Variants in SOS1 observed in about 807,000 individuals in gnomAD.
The protein encoded by SOS1 is SOS Ras/Rac guanine nucleotide exchange factor 1.
In SOS1, 25 loss-of-function variants were observed where a neutral mutation model predicts 157.6. The observed-to-expected ratio is 0.16, with a 90% CI of 0.12 to 0.22. SOS1 has a LOEUF of 0.22. Ranked by LOEUF, SOS1 falls within the 10% of genes least tolerant of loss-of-function variation. The probability of loss-of-function intolerance (pLI) is 1.00; values close to 1 mark genes in which losing one functional copy is unlikely to be tolerated. For missense variants in SOS1, 1,237 were observed against 1,599.1 expected (o/e 0.77, Z 3.86); for synonymous variants, 528 against 534.0 (o/e 0.99, Z 0.16).
intron 4 of SOS1, 29 bp downstream of exon 4, chr2:39,056,673 G>A: frequency 6.7e-7 from 1 of 1,484,788 alleles, no homozygotes; most frequent in Non-Finnish European, 9.4e-7. Context: ...AGAAACTTAA[G>A]AAAAAAATAG....
At chr2:39,100,466 T>C (rs973927199) in intron 1 of SOS1, among the ~76,000 whole-genome samples, 2 of 152,222 alleles carry the variant, frequency 1.3e-5, no homozygotes, top group African/African-American at 4.8e-5. Context: ...CACAATGGAA[T>C]ATCATTCAGC....
chr2:39,110,011 G>T (rs989039344), intron 1 of SOS1, among the ~76,000 whole-genome samples: 1 of 148,790 alleles, frequency 6.7e-6, no homozygotes, highest in African/African-American at 2.6e-5. Context: ...TAAACTGACA[G>T]AGATACAGAT....
intron 1 of SOS1, among the ~76,000 whole-genome samples, chr2:39,075,570 G>A (rs985046067): frequency 1.0e-5 from 1 of 98,092 alleles, no homozygotes; most frequent in African/African-American, 3.0e-5. Context: ...TTGGGAGGCT[G>A]AAACAGGAGG....
At chr2:39,081,694 G>T (rs972047646) in intron 1 of SOS1, among the ~76,000 whole-genome samples, 9 of 151,726 alleles carry the variant, frequency 5.9e-5, no homozygotes, top group African/African-American at 2.2e-4. Flanking sequence ...GCTTGGCGGC[G>T]GGCGCCTGTA....
At position 39,006,551 on chromosome 2, in the gene SOS1, G is replaced by C. The variant is rs61601281; in HGVS notation, c.2674-22C>G. The C allele has an allele frequency of 8.2e-3, 9,815 of 1,200,238 alleles. 554 individuals are homozygous for C. The African/African-American group carries it at 0.13, about 15-fold the overall frequency. 74.3% of individuals were successfully genotyped at this position (1,200,238 alleles called of 1,614,324 possible). Reference sequence around the variant, plus strand: ...TTTGCTATAAGGAAAAAAAATAGGCGTAAGTTTACAAAAGGAATCAAAGGT... The same window carrying C: ...TTTGCTATAAGGAAAAAAAATAGGCCTAAGTTTACAAAAGGAATCAAAGGT... On this transcript the variant is annotated intron_variant, in intron 16 of 22. Coordinates refer to ENST00000402219, the MANE Select transcript of SOS1 (RefSeq NM_005633.4).
intron 20 of SOS1, chr2:38,993,056 C>G (rs141545550): frequency 6.7e-6 from 1 of 149,210 alleles, no homozygotes; most frequent in Non-Finnish European, 1.5e-5. Flanking sequence ...GGCAACACAG[C>G]GAGACCCTAT....
At chr2:38,986,950 GT>G (rs373345074) in intron 22 of SOS1, among the ~76,000 whole-genome samples, 1 of 152,216 alleles carries the variant, frequency 6.6e-6, no homozygotes, top group East Asian at 1.9e-4. Flanking sequence ...AATGAATTAA[GT>G]TTAACAGCTG....
At chr2:39,098,888 CA>C (rs200068308) in intron 1 of SOS1, among the ~76,000 whole-genome samples, 5 of 148,636 alleles carry the variant, frequency 3.4e-5, no homozygotes, top group Non-Finnish European at 7.5e-5. Context: ...GACCACACCT[CA>C]AAAAAAAAAT....
rs779896678 is a variant in SOS1 at position 38,997,024 on chromosome 2, G to C, written c.2979C>G (p.Asn993Lys). ...VESDIKRFFE[N>K]LNPMGNSMEK... Reference sequence around the variant, plus strand: ...CCATGCTATTTCCCATCGGATTCAAGTTTTCAAAGAACCTCTAAAATAAAT... The same window carrying C: ...CCATGCTATTTCCCATCGGATTCAACTTTTCAAAGAACCTCTAAAATAAAT... Residue 993 changes from asparagine to lysine, a missense_variant, in exon 19 of 23, where the codon AAC becomes AAG. Around this residue, in one of 15 missense-constraint regions of SOS1, gnomAD observed 34 missense variants for 28.1 expected, o/e 1.21. Transcript: ENST00000402219. The C allele has an allele frequency of 6.4e-7, 1 of 1,567,738 alleles. No individual in the cohort carries two copies.
intron 17 of SOS1, among the ~76,000 whole-genome samples, chr2:38,999,468 A>G (rs1010836814): frequency 1.3e-5 from 2 of 152,212 alleles, no homozygotes; most frequent in African/African-American, 2.4e-5. Context: ...TCTGACATCA[A>G]TGCCTGTTTG....
In SOS1 at chr2:39,120,538, C is replaced by T. The variant is rs540265590; in HGVS notation, c.-116G>A. The T allele has an allele frequency of 6.7e-4, 733 of 1,090,906 alleles. 14 individuals carry two copies. In the East Asian group the frequency reaches 0.036, roughly 54 times the overall value. 67.6% of individuals were successfully genotyped at this position (1,090,906 alleles called of 1,614,324 possible). On this transcript the variant is annotated 5_prime_UTR_variant, in exon 1 of 23. Transcript: ENST00000402219. Reference sequence around the variant, plus strand: ...GCCGCGGCCCCACCGGACGGCCCGGCCCCCTCCGGGCGCCGCGCAGCCGGG... The same window carrying T: ...GCCGCGGCCCCACCGGACGGCCCGGTCCCCTCCGGGCGCCGCGCAGCCGGG...
chr2:39,106,577 C>T (rs1363406384), intron 1 of SOS1, among the ~76,000 whole-genome samples: 4 of 123,872 alleles, frequency 3.2e-5, no homozygotes, highest in Non-Finnish European at 6.4e-5. Context: ...GGCGACAGAG[C>T]GAGACTCCGT....
At chr2:38,989,531 A>T (rs947715869) in intron 20 of SOS1, among the ~76,000 whole-genome samples, 1 of 128,700 alleles carries the variant, frequency 7.8e-6, no homozygotes, top group African/African-American at 3.0e-5. Flanking sequence ...ACTTGATTTC[A>T]TAATTATTAA....
At chr2:38,993,134 G>A (rs1308100469) in intron 20 of SOS1, 1 of 149,858 alleles carries the variant, frequency 6.7e-6, no homozygotes, top group Non-Finnish European at 1.5e-5. Flanking sequence ...ACCAAATAAT[G>A]CCAAGTCATA....
At chr2:39,113,489 G>A (rs1673518374) in intron 1 of SOS1, among the ~76,000 whole-genome samples, 2 of 151,470 alleles carry the variant, frequency 1.3e-5, no homozygotes, top group South Asian at 4.2e-4. Context: ...GCAATATAGT[G>A]TTTAAAAATA....
At chr2:39,107,673 A>G (rs1203938134) in intron 1 of SOS1, among the ~76,000 whole-genome samples, 1 of 151,742 alleles carries the variant, frequency 6.6e-6, no homozygotes, top group Admixed American at 6.6e-5. Flanking sequence ...GAAAAAAAAA[A>G]AAAAAAAACC....
At chr2:38,992,371 T>C (rs141087610) in intron 20 of SOS1, 2 of 152,330 alleles carry the variant, frequency 1.3e-5, no homozygotes, top group African/African-American at 4.8e-5. Flanking sequence ...GGTTTTTCTT[T>C]ATCATAAACA....
chr2:38,988,754 C>A (rs1454222), intron 21 of SOS1, among the ~76,000 whole-genome samples: 143,190 of 152,162 alleles, frequency 0.94, 67,487 homozygotes, highest in African/African-American at 0.97. Flanking sequence ...GTTTACCTTA[C>A]AATTAAAATG....
intron 8 of SOS1, chr2:39,034,851 A>T: frequency 2.2e-6 from 1 of 460,484 alleles, no homozygotes; most frequent in Non-Finnish European, 4.3e-6. Flanking sequence ...GAGGTCCCCA[A>T]ATGGAAACTG....
Sources: allele counts gnomAD v4.1 joint callset (sites outside exome capture counted in the v4.1 genomes callset), GRCh38; gene constraint gnomAD v4.1.1; regional missense constraint gnomAD v4.1.1; transcripts MANE v1.5; gene names NCBI Gene and HGNC (gene_info 2026-07-23, HGNC 2026-07-21).